The following GPC2 variants were observed in gnomAD, a reference collection of about 807,000 sequenced individuals.
GPC2 encodes glypican-2.
A neutral mutation model predicts 57.3 loss-of-function variants in GPC2; 42 were observed. The ratio of observed to expected loss-of-function variants is 0.73; its 90% CI spans 0.57 to 0.95. The LOEUF (loss-of-function observed/expected upper bound fraction) is 0.95, where lower values mean the gene tolerates loss of function less well. Among genes scored for constraint, GPC2 ranks in the 40% least tolerant of loss-of-function variants. The pLI is 0.00. For missense variants in GPC2, 745 were observed against 793.6 expected, an observed-to-expected ratio of 0.94 and a Z score of 0.74; for synonymous variants, 364 against 343.4, an observed-to-expected ratio of 1.06 and a Z score of -0.66.
In GPC2 at chr7:100,177,342, G is replaced by T. The variant is rs567567308; in HGVS notation, c.-143C>A. Reference sequence around the variant, plus strand: ...CTCCGGAAAACTGAATACCGAGCACGATAGCTGGACCAGGCGGCATCTGCC... The same window carrying T: ...CTCCGGAAAACTGAATACCGAGCACTATAGCTGGACCAGGCGGCATCTGCC... On this transcript the variant is annotated 5_prime_UTR_variant, in exon 1 of 10. Transcript: ENST00000292377. 12 of 668,032 alleles carry T rather than the reference G, an allele frequency of 1.8e-5. No individual in the cohort carries two copies. The highest frequency in any genetic ancestry group is 2.6e-5 in the Non-Finnish European group (11 of 425,658). 41.4% of individuals were successfully genotyped at this position (668,032 alleles called of 1,614,324 possible).
chr7:100,171,424 T>G lies in GPC2; in HGVS notation c.1323A>C (p.Pro441=). Residue 441 remains proline, a synonymous_variant, in exon 9 of 10, where the codon CCA becomes CCC. Transcript: ENST00000292377. The surrounding 1 kb of genome is among the most constrained non-coding windows in gnomAD (Gnocchi z 4.8). ...GCTCGGCCGGGGAGCCCCCGACCAC[T>G]GGCGGCAAGTACCTGCGAGCAGAGC... ...TGAGRGRYLP[P]VVGGSPAEQV... is the part of the protein sequence containing the mutation. The G allele has an allele frequency of 6.9e-7, 1 of 1,459,410 alleles. No individual in the cohort carries two copies. The highest frequency in any genetic ancestry group is 9.0e-7 in the Non-Finnish European group (1 of 1,107,700). The allele number at this position is 1,459,410 out of a possible 1,614,324, so 90.4% of individuals were successfully genotyped here. A position where few individuals can be genotyped will look rare whatever the true frequency, so the allele number is the denominator to read the frequency against.
At position 100,177,015 on chromosome 7, in the gene GPC2, T is replaced by C; in HGVS notation, c.166+19A>G. The C allele has an allele frequency of 2.1e-6, 1 of 477,008 alleles. No homozygotes were observed. Among genetic ancestry groups the C allele is most frequent in the Non-Finnish European group, 3.7e-6 (1 of 270,668 alleles). 29.5% of individuals were successfully genotyped at this position (477,008 alleles called of 1,614,324 possible). ...CCGCCCCCCACCCCCAATTCTCTAGTCTTCCTCTTTCTCCTCACCTGAGAT... is the reference window on the plus strand; with the variant it reads ...CCGCCCCCCACCCCCAATTCTCTAGCCTTCCTCTTTCTCCTCACCTGAGAT... On this transcript the variant is annotated intron_variant, in intron 1 of 9. Transcript: ENST00000292377.
In GPC2 at chr7:100,171,741, G is replaced by A. The variant is rs1181260105; in HGVS notation, c.1170+38C>T. 2 of 1,007,942 alleles carry A rather than the reference G, an allele frequency of 2.0e-6. No individual in the cohort carries two copies. The highest frequency in any genetic ancestry group is 1.5e-5 in the South Asian group (1 of 67,296). The allele number at this position is 1,007,942 out of a possible 1,614,324, so 62.4% of individuals were successfully genotyped here. ...GACCCCCACAACCATCCCCGGCCCC[G>A]GGCCCCCCCGCCCCCAACTCTTGGT... is the stretch of plus-strand genomic sequence containing the variant. On this transcript the variant is annotated intron_variant, in intron 7 of 9. Transcript: ENST00000292377. The surrounding 1 kb of genome is among the most constrained non-coding windows in gnomAD (Gnocchi z 4.8).
rs1799152494 is a variant in GPC2 at position 100,170,190 on chromosome 7, G to C, written c.*40C>G. Reference sequence around the variant, plus strand: ...CCAGCTGAGGGGGGAGGAGGGGAAAGGGCCATGAACCCTTCTGATGCTAGG... The same window carrying C: ...CCAGCTGAGGGGGGAGGAGGGGAAACGGCCATGAACCCTTCTGATGCTAGG... On this transcript the variant is annotated 3_prime_UTR_variant, in exon 10 of 10. Coordinates refer to ENST00000292377, the MANE Select transcript of GPC2 (RefSeq NM_152742.3). 2.0e-6 allele frequency: 3 copies of C among 1,502,192 alleles called. No homozygotes were observed. Among genetic ancestry groups the C allele is most frequent in the Middle Eastern group, 2.1e-4 (1 of 4,830 alleles). The allele number at this position is 1,502,192 out of a possible 1,614,324, so 93.1% of individuals were successfully genotyped here.
At position 100,171,744 on chromosome 7, in the gene GPC2, C is replaced by A; in HGVS notation, c.1170+35G>T. On this transcript the variant is annotated intron_variant, in intron 7 of 9. Coordinates refer to ENST00000292377, the MANE Select transcript of GPC2 (RefSeq NM_152742.3). The surrounding 1 kb of genome is among the most constrained non-coding windows in gnomAD (Gnocchi z 4.8). ...CCCCACAACCATCCCCGGCCCCGGG[C>A]CCCCCCGCCCCCAACTCTTGGTCAT... 2 of 1,472,864 alleles carry A rather than the reference C, an allele frequency of 1.4e-6. No homozygotes were observed. The highest frequency in any genetic ancestry group is 1.3e-5 in the South Asian group (1 of 77,454). 91.2% of individuals were successfully genotyped at this position (1,472,864 alleles called of 1,614,324 possible).
intron 3 of GPC2, among the ~76,000 whole-genome samples, chr7:100,175,025 G>C (rs897295140): frequency 6.6e-6 from 1 of 152,152 alleles, no homozygotes; most frequent in Non-Finnish European, 1.5e-5. Flanking sequence ...ATTGTGTATC[G>C]GAACTAACAC....
At position 100,177,263 on chromosome 7, in the gene GPC2, G is replaced by A. The variant is rs1799323956; in HGVS notation, c.-64C>T. On this transcript the variant is annotated 5_prime_UTR_variant, in exon 1 of 10. An upstream open reading frame in the 5' UTR gains an earlier in-frame stop. Coordinates refer to ENST00000292377, the MANE Select transcript of GPC2 (RefSeq NM_152742.3). ...GAGGAAAGCAGAGCCTCCCAAACTC[G>A]GGAATCCGGTACTCGGCCGCGGGAC... 2 of 1,448,290 alleles carry A rather than the reference G, an allele frequency of 1.4e-6. No individual in the cohort carries two copies. The highest frequency in any genetic ancestry group is 4.9e-5 in the East Asian group (2 of 40,420). The allele number at this position is 1,448,290 out of a possible 1,614,324, so 89.7% of individuals were successfully genotyped here. A position where few individuals can be genotyped will look rare whatever the true frequency, so the allele number is the denominator to read the frequency against.
rs1209068826 is a variant in GPC2, at chr7:100,171,378, T to G, written c.1369A>C (p.Lys457Gln). ...PAEQVNNPEL[K>Q]VDASGPDVPT... ...ACATCGGGGCCCGAGGCGTCCACCT[T>G]GAGCTCGGGGTTGTTGACCTGCTCG... Residue 457 changes from lysine to glutamine, a missense_variant, in exon 9 of 10, where the codon AAG becomes CAG. Coordinates refer to ENST00000292377, the MANE Select transcript of GPC2 (RefSeq NM_152742.3). This position sits in a 1 kb window ranked among gnomAD's most constrained non-coding sequence, Gnocchi z 4.8. 6.5e-7 allele frequency: 1 copy of G among 1,538,980 alleles called. No individual in the cohort carries two copies.
At position 100,175,860 on chromosome 7, in the gene GPC2, G is replaced by A. The variant is rs762008459; in HGVS notation, c.360C>T (p.His120=). The A allele has an allele frequency of 9.3e-6, 15 of 1,614,058 alleles. No individual in the cohort carries two copies. In the East Asian group the frequency reaches 2.9e-4, roughly 31 times the overall value. Residue 120 remains histidine (H), a synonymous_variant, in exon 3 of 10, where the codon CAC becomes CAT. Transcript: ENST00000292377. ...AGTGGGAGAAGAGCTGGGTCAGAGAGTGCTGGGCTACTGAGAGCATCTCCA... is the reference window on the plus strand; with the variant it reads ...AGTGGGAGAAGAGCTGGGTCAGAGAATGCTGGGCTACTGAGAGCATCTCCA... ...FFLEMLSVAQ[H]SLTQLFSHSY... is the part of the protein sequence containing the mutation.
intron 3 of GPC2, among the ~76,000 whole-genome samples, chr7:100,175,356 G>A (rs1180920743): frequency 6.6e-6 from 1 of 152,150 alleles, no homozygotes; most frequent in African/African-American, 2.4e-5. Context: ...TGGCAGGGGT[G>A]GGGGCATCTG....
rs746278738 is a variant in GPC2, at chr7:100,175,692, C to T, written c.528G>A (p.Pro176=). 9 of 1,614,048 alleles carry T rather than the reference C, an allele frequency of 5.6e-6. No homozygotes were observed. The highest frequency in any genetic ancestry group is 2.2e-5 in the South Asian group (2 of 91,078). ...GGAAGCTGTACTGTGGGTGCAGCAGCGGGAACACTCTCTCCAGGAGCTGTG... is the reference window on the plus strand; with the variant it reads ...GGAAGCTGTACTGTGGGTGCAGCAGTGGGAACACTCTCTCCAGGAGCTGTG... The part of the protein sequence containing the change: ...FWAQLLERVF[P]LLHPQYSFPP... Residue 176 remains proline, a synonymous_variant, in exon 3 of 10, where the codon CCG becomes CCA. Transcript: ENST00000292377.
At chr7:100,172,669 A>G (rs1222113048) in intron 5 of GPC2, among the ~76,000 whole-genome samples, 20 of 147,328 alleles carry the variant, frequency 1.4e-4, no homozygotes, top group Non-Finnish European at 2.2e-4. Flanking sequence ...GTATATATAT[A>G]TATGTGTGTG....
In GPC2 at chr7:100,175,865, G is replaced by A; in HGVS notation, c.355C>T (p.Gln119Ter). The change falls in exon 3 of 10, where the codon CAG (glutamine) becomes TAG (stop). Residue 119 changes from glutamine to a stop codon, truncating the protein, a stop_gained. Transcript: ENST00000292377. LOFTEE classifies it high-confidence loss of function. The part of the protein sequence containing the change: ...EFFLEMLSVA[Q>*]HSLTQLFSHS... ...GAGAAGAGCTGGGTCAGAGAGTGCT[G>A]GGCTACTGAGAGCATCTCCAGAAAA... 1 of 1,613,842 alleles carries A rather than the reference G, an allele frequency of 6.2e-7. No individual in the cohort carries two copies. Among genetic ancestry groups the A allele is most frequent in the Non-Finnish European group, 8.5e-7 (1 of 1,179,842 alleles).
In GPC2 at chr7:100,169,668, G is replaced by T. The variant is rs1026657853; in HGVS notation, c.*562C>A. ...ACTCAAACACTGAAACATGGAGTTT[G>T]TGAAGGATGTGGGTGGCAGAGGTCA... On this transcript the variant is annotated 3_prime_UTR_variant, in exon 10 of 10. Coordinates refer to ENST00000292377, the MANE Select transcript of GPC2 (RefSeq NM_152742.3). 9 of 152,658 alleles carry T rather than the reference G, an allele frequency of 5.9e-5. No individual in the cohort carries two copies. Among genetic ancestry groups the T allele is most frequent in the Non-Finnish European group, 1.0e-4 (7 of 68,074 alleles). The allele number at this position is 152,658 out of a possible 1,614,324, so 9.5% of individuals were successfully genotyped here.
Position 100,171,403 on chromosome 7 carries a change from G to T in GPC2, c.1344C>A (p.Ala448=). 6.7e-7 allele frequency: 1 copy of T among 1,495,498 alleles called. No homozygotes were observed. The highest frequency in any genetic ancestry group is 8.9e-7 in the Non-Finnish European group (1 of 1,123,576). The allele number at this position is 1,495,498 out of a possible 1,614,324, so 92.6% of individuals were successfully genotyped here. Reference sequence around the variant, plus strand: ...TGAGCTCGGGGTTGTTGACCTGCTCGGCCGGGGAGCCCCCGACCACTGGCG... The same window carrying T: ...TGAGCTCGGGGTTGTTGACCTGCTCTGCCGGGGAGCCCCCGACCACTGGCG... ...YLPPVVGGSP[A]EQVNNPELKV... is the part of the protein sequence containing the mutation. Residue 448 remains alanine, a synonymous_variant, in exon 9 of 10, where the codon GCC becomes GCA. Transcript: ENST00000292377. The surrounding 1 kb of genome is among the most constrained non-coding windows in gnomAD (Gnocchi z 4.8).
chr7:100,170,524 A>AGCAGAGGGAG, intron 9 of GPC2, 41 bp from the exon 10 acceptor site: 1 of 1,426,814 alleles, frequency 7.0e-7, no homozygotes, highest in Non-Finnish European at 9.2e-7. Context: ...GGGAGGGAGA[A>AGCAGAGGGAG]GCAGAGGGAG....
rs756704461 is a variant in GPC2 at position 100,176,272 on chromosome 7, C to T, written c.260G>A (p.Gly87Asp). ...LIRETEATFR[G>D]LVEDSGSFLV... ...AAAGGAGCCGCTGTCCTCCACCAGG[C>T]CTCGGAAGGTGGCCTCAGTCTCCCT... is the stretch of plus-strand genomic sequence containing the variant. The change falls in exon 2 of 10, where the codon GGC (glycine) becomes GAC (aspartate). Residue 87 changes from glycine (G) to aspartate (D), a missense_variant. Around this residue, in one of 2 missense-constraint regions of GPC2, gnomAD observed 138 missense variants for 189.8 expected, o/e 0.73. Coordinates refer to ENST00000292377, the MANE Select transcript of GPC2 (RefSeq NM_152742.3). 4.3e-6 allele frequency: 7 copies of T among 1,614,066 alleles called. No individual in the cohort carries two copies. In the South Asian group the frequency reaches 7.7e-5, roughly 18 times the overall value.
rs200472414 is a variant in GPC2 at position 100,172,073 on chromosome 7, T to A, written c.1023+14A>T. On this transcript the variant is annotated intron_variant, in intron 6 of 9. Coordinates refer to ENST00000292377, the MANE Select transcript of GPC2 (RefSeq NM_152742.3). ...CCGCCCCGGGCCTCACCTCCACCCT[T>A]CTCTCCCCTGTACCTGGGCGGACAC... 3 of 1,613,414 alleles carry A rather than the reference T, an allele frequency of 1.9e-6. No homozygotes were observed. The East Asian group carries it at 6.7e-5, about 36-fold the overall frequency.
chr7:100,173,848 C>G lies in GPC2; in HGVS notation c.879G>C (p.Trp293Cys). ...GAATCCCCTCACCCAGATAGTTGCC[C>G]CAGTCAGGCTCCAGTCCCCTGCTGC... Reference protein sequence around the residue: ...CLSSRGLEPDWGNYLDGLLIL... With the variant: ...CLSSRGLEPDCGNYLDGLLIL... Residue 293 changes from tryptophan (W) to cysteine (C), a missense_variant, in exon 5 of 10, where the codon TGG (tryptophan) becomes TGC (cysteine). Transcript: ENST00000292377. 1 of 1,569,064 alleles carries G rather than the reference C, an allele frequency of 6.4e-7. No homozygotes were observed. The highest frequency in any genetic ancestry group is 8.6e-7 in the Non-Finnish European group (1 of 1,158,146).
Sources: allele counts gnomAD v4.1 joint callset (sites outside exome capture counted in the v4.1 genomes callset), GRCh38; gene constraint gnomAD v4.1.1; regional missense constraint gnomAD v4.1.1; non-coding constraint Gnocchi (gnomAD v3.1); transcripts MANE v1.5; gene names NCBI Gene and HGNC (gene_info 2026-07-23, HGNC 2026-07-21).